Variants in SLC44A1 observed in about 807,000 individuals in gnomAD.
SLC44A1 encodes the protein choline transporter-like protein 1.
Under a neutral mutation model 79.3 loss-of-function variants are expected in SLC44A1, and 26 were observed. The ratio of observed to expected loss-of-function variants is 0.33; its 90% CI spans 0.24 to 0.46. The LOEUF (loss-of-function observed/expected upper bound fraction) is 0.46. Ranked by LOEUF, SLC44A1 falls within the 20% of genes least tolerant of loss-of-function variation. SLC44A1 has a pLI of 1.00. For synonymous variants in SLC44A1, 263 were observed against 286.2 expected (o/e 0.92, Z 0.82); for missense variants, 688 against 798.1 (o/e 0.86, Z 1.66).
rs150191238 is a variant in SLC44A1, at chr9:105,320,804, C to G, written c.269+10938C>G. On this transcript the variant is annotated intron_variant, in intron 3 of 15. Transcript: ENST00000374720. The stretch of plus-strand genomic sequence containing the variant: ...CTAGTGAATCTGTAGTGGTATCTCA[C>G]TGTGGTTTTAATTTGCATGTTTCTA... 1.1e-4 allele frequency among the ~76,000 whole-genome samples: 16 copies of G among 152,226 alleles called. No individual in the cohort carries two copies. In the East Asian group the frequency reaches 3.1e-3, roughly 30 times the overall value.
At chr9:105,386,243 A>G (rs1828623055) in intron 15 of SLC44A1, 2 of 981,624 alleles carry the variant, frequency 2.0e-6, no homozygotes, top group East Asian at 1.1e-4. Flanking sequence ...GCTGCTTTTC[A>G]CATGGATATT....
At chr9:105,362,032 A>G (rs1827795077) in intron 8 of SLC44A1, among the ~76,000 whole-genome samples, 1 of 151,876 alleles carries the variant, frequency 6.6e-6, no homozygotes, top group African/African-American at 2.4e-5. Flanking sequence ...TCTCCAAAAT[A>G]TATATGTGTG....
rs1828816475 is a variant in SLC44A1 at position 105,393,717 on chromosome 9, A to C, written c.*4661A>C. 1.0e-6 allele frequency: 1 copy of C among 984,954 alleles called. No homozygotes were observed. Among genetic ancestry groups the C allele is most frequent in the South Asian group, 4.7e-5 (1 of 21,272 alleles). 61.0% of individuals were successfully genotyped at this position (984,954 alleles called of 1,614,324 possible). On this transcript the variant is annotated 3_prime_UTR_variant, in exon 16 of 16. Transcript: ENST00000374720. ...TGCATGAACAATTGCCACTTTGTAAATTATATGGACAGAATGTGTTCTAAG... is the reference window on the plus strand; with the variant it reads ...TGCATGAACAATTGCCACTTTGTAACTTATATGGACAGAATGTGTTCTAAG...
In SLC44A1 at chr9:105,305,682, G is replaced by A. The variant is rs183511529; in HGVS notation, c.127-4042G>A. On this transcript the variant is annotated intron_variant, in intron 2 of 15. Transcript: ENST00000374720. ...CCTTTTTTCCCTACCTTTTTATTTTGAAACATTTTGCCATACTCATACACC... is the reference window on the plus strand; with the variant it reads ...CCTTTTTTCCCTACCTTTTTATTTTAAAACATTTTGCCATACTCATACACC... Among the ~76,000 whole-genome samples, 266 of 151,910 alleles carry A rather than the reference G, an allele frequency of 1.8e-3. 2 individuals are homozygous for A. The highest frequency in any genetic ancestry group is 6.2e-3 in the African/African-American group (258 of 41,408).
intron 15 of SLC44A1, among the ~76,000 whole-genome samples, chr9:105,431,701 C>T (rs1398009375): frequency 6.6e-6 from 1 of 152,160 alleles, no homozygotes; most frequent in Admixed American, 6.5e-5. Context: ...GTCCATATAG[C>T]TTGGCTAAAA....
chr9:105,326,725 C>T (rs1826588824), intron 3 of SLC44A1, among the ~76,000 whole-genome samples: 1 of 152,208 alleles, frequency 6.6e-6, no homozygotes, highest in South Asian at 2.1e-4. Flanking sequence ...AGATTTCACC[C>T]AGGTTAAGAA....
chr9:105,324,250 ATTTTTT>A (rs35532819), intron 3 of SLC44A1, among the ~76,000 whole-genome samples: 6 of 132,644 alleles, frequency 4.5e-5, no homozygotes, highest in African/African-American at 1.7e-4. Context: ...CGTGCCCGGA[ATTTTTT>A]TTTTTTTTTT....
At chr9:105,432,170 C>G (rs1334205891) in intron 15 of SLC44A1, among the ~76,000 whole-genome samples, 1 of 152,174 alleles carries the variant, frequency 6.6e-6, no homozygotes, top group African/African-American at 2.4e-5. Context: ...GATCTGCCCA[C>G]CTCAGGCTCT....
At chr9:105,254,429 A>C (rs1320022838) in intron 1 of SLC44A1, among the ~76,000 whole-genome samples, 1 of 152,182 alleles carries the variant, frequency 6.6e-6, no homozygotes, top group Non-Finnish European at 1.5e-5. Flanking sequence ...CTCTGAGTCA[A>C]GTGAGGGGCA....
At position 105,281,377 on chromosome 9, in the gene SLC44A1, C is replaced by T. The variant is rs548682082; in HGVS notation, c.37-17843C>T. Among the ~76,000 whole-genome samples, 45 of 152,218 alleles carry T rather than the reference C, an allele frequency of 3.0e-4. 1 individual carries two copies. The South Asian group carries it at 9.3e-3, about 32-fold the overall frequency. On this transcript the variant is annotated intron_variant, in intron 1 of 15. Coordinates refer to ENST00000374720, the MANE Select transcript of SLC44A1 (RefSeq NM_080546.5). ...TTGATAAGGTGCTTATAGTCTTTCT[C>T]TTTGTTTTTTTACTATCTTTTTGAT...
intron 13 of SLC44A1, among the ~76,000 whole-genome samples, chr9:105,376,913 G>A (rs1336588096): frequency 6.6e-6 from 1 of 152,168 alleles, no homozygotes; most frequent in Non-Finnish European, 1.5e-5. Context: ...CAAATTTAGA[G>A]AACTAGAATG....
chr9:105,311,193 T>A (rs1053459222), intron 3 of SLC44A1, among the ~76,000 whole-genome samples: 14 of 152,224 alleles, frequency 9.2e-5, no homozygotes, highest in Non-Finnish European at 1.5e-4. Context: ...ACGATTTTTT[T>A]ATTTTTATTT....
intron 3 of SLC44A1, 147 bp from the exon 4 acceptor site, chr9:105,335,416 G>C (rs1015112492): frequency 2.0e-6 from 1 of 510,762 alleles, no homozygotes; most frequent in Non-Finnish European, 3.4e-6. Context: ...CTGTTAATAA[G>C]CAATTTTTTT....
rs1051472820 is a variant in SLC44A1, at chr9:105,394,026, A to G, written c.*4970A>G. 4 of 985,098 alleles carry G rather than the reference A, an allele frequency of 4.1e-6. No homozygotes were observed. The highest frequency in any genetic ancestry group is 4.8e-6 in the Non-Finnish European group (4 of 829,752). The allele number at this position is 985,098 out of a possible 1,614,324, so 61.0% of individuals were successfully genotyped here. On this transcript the variant is annotated 3_prime_UTR_variant, in exon 16 of 16. Transcript: ENST00000374720. ...TTTGAAGAGACAATGGGTCTCTTTG[A>G]GCTTAAGAAAGCTATGGACTATCTT...
chr9:105,266,251 G>A (rs1829959314), intron 1 of SLC44A1, among the ~76,000 whole-genome samples: 2 of 152,156 alleles, frequency 1.3e-5, no homozygotes, highest in Admixed American at 6.5e-5. Context: ...ACAAGTGTGA[G>A]CCACCATACT....
At position 105,244,909 on chromosome 9, in the gene SLC44A1, G is replaced by A. The variant is rs1442493155; in HGVS notation, c.36+5G>A. 1 of 1,181,496 alleles carries A rather than the reference G, an allele frequency of 8.5e-7. No individual in the cohort carries two copies. Among genetic ancestry groups the A allele is most frequent in the Non-Finnish European group, 1.0e-6 (1 of 956,518 alleles). 73.2% of individuals were successfully genotyped at this position (1,181,496 alleles called of 1,614,324 possible). A position where few individuals can be genotyped will look rare whatever the true frequency, so the allele number is the denominator to read the frequency against. ...TCCGCCTCCTCCGCCGCGCAGGTGA[G>A]GGGCTCCCGCCTCCCGGCCGCCCGC... On this transcript the variant is annotated splice_donor_5th_base_variant and intron_variant, in intron 1 of 15. Coordinates refer to ENST00000374720, the MANE Select transcript of SLC44A1 (RefSeq NM_080546.5).
chr9:105,307,683 A>C (rs1831069975), intron 2 of SLC44A1, among the ~76,000 whole-genome samples: 2 of 152,070 alleles, frequency 1.3e-5, no homozygotes, highest in Admixed American at 6.5e-5. Flanking sequence ...GTTAGCTATT[A>C]AACCTCCTAA....
chr9:105,374,844 G>A (rs1828227117), intron 13 of SLC44A1, 109 bp downstream of exon 13: 4 of 792,302 alleles, frequency 5.0e-6, no homozygotes, highest in African/African-American at 1.7e-5. Context: ...GTAATATATA[G>A]CGAGTACTTA....
At chr9:105,364,951 T>C (rs1010551607) in intron 10 of SLC44A1, among the ~76,000 whole-genome samples, 1 of 152,266 alleles carries the variant, frequency 6.6e-6, no homozygotes, top group South Asian at 2.1e-4. Context: ...TAAAATTTAT[T>C]GCGATGTCAC....
Sources: gnomAD v4.1 joint callset for allele counts (sites outside exome capture counted in the v4.1 genomes callset) on GRCh38, gnomAD v4.1.1 for gene constraint, MANE v1.5 for transcripts, NCBI Gene and HGNC (gene_info 2026-07-23, HGNC 2026-07-21) for gene names.